ZNF423: variants seen among roughly 807,000 people sequenced by gnomAD.
The protein encoded by ZNF423 is zinc finger protein 423.
In ZNF423, 12 loss-of-function variants were observed where a neutral mutation model predicts 95.8. The ratio of observed to expected loss-of-function variants is 0.13; its 90% confidence interval spans 0.08 to 0.20. The LOEUF is 0.20. ZNF423 is among the 10% of genes least tolerant of loss of function. ZNF423 has a pLI of 1.00. For missense variants in ZNF423, 1,316 were observed against 1,737.1 expected (o/e 0.76, Z 4.31); for synonymous variants, 749 against 711.9 (o/e 1.05, Z -0.83).
chr16:49,696,216 T>A (rs2031964672), intron 3 of ZNF423, among the ~76,000 whole-genome samples: 1 of 152,214 alleles, frequency 6.6e-6, no homozygotes, highest in Non-Finnish European at 1.5e-5. Context: ...TCTTCACGCC[T>A]GCTCCCCAGC....
At chr16:49,694,605 C>A (rs1001350095) in intron 3 of ZNF423, among the ~76,000 whole-genome samples, 2 of 152,170 alleles carry the variant, frequency 1.3e-5, no homozygotes, top group African/African-American at 4.8e-5. Context: ...TCTTAATACC[C>A]CCAGACTTCT....
chr16:49,698,894 T>C (rs541966922), intron 3 of ZNF423, among the ~76,000 whole-genome samples: 40 of 152,330 alleles, frequency 2.6e-4, no homozygotes, highest in African/African-American at 9.1e-4. Context: ...TACAGCAATT[T>C]AGCAGGCCTC....
chr16:49,500,736 A>G (rs2151659263), intron 7 of ZNF423, among the ~76,000 whole-genome samples: 1 of 150,002 alleles, frequency 6.7e-6, no homozygotes, highest in East Asian at 2.0e-4. Context: ...GTGAAACCCC[A>G]TCTCTACGAA....
At chr16:49,671,719 T>C (rs1006209605) in intron 3 of ZNF423, among the ~76,000 whole-genome samples, 4 of 152,188 alleles carry the variant, frequency 2.6e-5, no homozygotes, top group Non-Finnish European at 5.9e-5. Context: ...AGTCTCACTC[T>C]GTCGCCCAGG....
At chr16:49,632,562 G>A (rs1157240388) in intron 4 of ZNF423, among the ~76,000 whole-genome samples, 1 of 152,138 alleles carries the variant, frequency 6.6e-6, no homozygotes, top group Non-Finnish European at 1.5e-5. Flanking sequence ...CAAAGGCAGG[G>A]AGAGGAAGGC....
intron 3 of ZNF423, among the ~76,000 whole-genome samples, chr16:49,694,883 T>C (rs2031910263): frequency 6.6e-6 from 1 of 152,206 alleles, no homozygotes; most frequent in African/African-American, 2.4e-5. Flanking sequence ...TGTGAAGAAA[T>C]GTCTCTCTGC....
In ZNF423 at chr16:49,514,263, T is replaced by C. The variant is rs74019116; in HGVS notation, c.3849+9361A>G. ...ACGCACACGCACACACACACACACA[T>C]GCACATACACACACCACTCTCCATC... On this transcript the variant is annotated intron_variant, in intron 7 of 7. Transcript: ENST00000563137. Among the ~76,000 whole-genome samples, 211 of 96,114 alleles carry C rather than the reference T, an allele frequency of 2.2e-3. 1 individual carries two copies. Among genetic ancestry groups the C allele is most frequent in the African/African-American group, 9.2e-3 (197 of 21,520 alleles). The allele number at this position is 96,114 out of a possible 152,430, so 63.1% of individuals were successfully genotyped here. A position where few individuals can be genotyped will look rare whatever the true frequency, so the allele number is the denominator to read the frequency against.
chr16:49,681,682 C>A (rs1352565895), intron 3 of ZNF423, among the ~76,000 whole-genome samples: 1 of 152,240 alleles, frequency 6.6e-6, no homozygotes, highest in Admixed American at 6.5e-5. Flanking sequence ...CCCACAGCCT[C>A]GGCCACTCCC....
At chr16:49,767,335 G>A (rs547165826) in intron 2 of ZNF423, among the ~76,000 whole-genome samples, 347 of 152,240 alleles carry the variant, frequency 2.3e-3, no homozygotes, top group Middle Eastern at 0.014. Context: ...TGGAGACCAG[G>A]GAAGGCCGGG....
At chr16:49,786,519 G>C (rs530064973) in intron 2 of ZNF423, among the ~76,000 whole-genome samples, 3 of 152,340 alleles carry the variant, frequency 2.0e-5, no homozygotes, top group Admixed American at 1.3e-4. Context: ...ACTGCCCTCA[G>C]CCCAGGGACA....
At chr16:49,714,980 C>T (rs1025520224) in intron 3 of ZNF423, among the ~76,000 whole-genome samples, 4 of 151,992 alleles carry the variant, frequency 2.6e-5, no homozygotes, top group East Asian at 3.9e-4. Flanking sequence ...CCCGAGGAGA[C>T]GGCCCAGCTG....
intron 1 of ZNF423, among the ~76,000 whole-genome samples, chr16:49,829,383 G>A (rs556060538): frequency 3.3e-5 from 5 of 152,304 alleles, no homozygotes; most frequent in African/African-American, 4.8e-5. Flanking sequence ...CTTTGAGCCC[G>A]AGAGTTGGAG....
At chr16:49,845,135 TTTTG>T (rs1041482688) in intron 1 of ZNF423, among the ~76,000 whole-genome samples, 82 of 151,530 alleles carry the variant, frequency 5.4e-4, no homozygotes, top group African/African-American at 1.6e-3. Context: ...TTTTGGGGTT[TTTTG>T]TTTGTTTGTT....
In ZNF423 at chr16:49,637,043, C is replaced by G; in HGVS notation, c.2133G>C (p.Ser711=). The G allele has an allele frequency of 6.2e-7, 1 of 1,613,930 alleles. No individual in the cohort carries two copies. The highest frequency in any genetic ancestry group is 1.1e-5 in the South Asian group (1 of 91,076). ...GCAGGTGCTTCTGCAGGTCATCCAC[C>G]GAGGAAAATTGCTTGTCGCAGCTCT... ...VCESCDKQFS[S]VDDLQKHLLD... is the part of the protein sequence containing the mutation. Residue 711 remains serine, a synonymous_variant, in exon 4 of 8, where the codon TCG becomes TCC. Coordinates refer to ENST00000563137, the MANE Select transcript of ZNF423 (RefSeq NM_001379286.1). The surrounding 1 kb of genome is among the most constrained non-coding windows in gnomAD (Gnocchi z 5.6).
intron 3 of ZNF423, among the ~76,000 whole-genome samples, chr16:49,642,265 G>A (rs1972998819): frequency 6.6e-6 from 1 of 152,178 alleles, no homozygotes; most frequent in Admixed American, 6.5e-5. Flanking sequence ...CTGGCCCCCA[G>A]TACCAAGCCA....
intron 7 of ZNF423, among the ~76,000 whole-genome samples, chr16:49,509,883 G>A (rs1967810549): frequency 2.6e-5 from 4 of 152,182 alleles, no homozygotes; most frequent in Admixed American, 2.6e-4. Flanking sequence ...CTGTGAAACG[G>A]GGATAACAGC....
At chr16:49,606,482 C>T (rs1186722511) in intron 5 of ZNF423, among the ~76,000 whole-genome samples, 4 of 152,154 alleles carry the variant, frequency 2.6e-5, no homozygotes, top group Admixed American at 2.6e-4. Context: ...ACCAGGGTCC[C>T]CACCAACCTG....
intron 5 of ZNF423, among the ~76,000 whole-genome samples, chr16:49,593,209 G>T (rs1483318232): frequency 1.3e-5 from 2 of 152,236 alleles, no homozygotes; most frequent in African/African-American, 2.4e-5. Flanking sequence ...GCTTTGGGAG[G>T]ATCACAAGAA....
Position 49,488,426 on chromosome 16 carries a change from C to T in ZNF423, c.*2849G>A, listed in dbSNP as rs531194503. 2.6e-5 allele frequency: 4 copies of T among 152,296 alleles called. No individual in the cohort carries two copies. The highest frequency in any genetic ancestry group is 3.9e-4 in the East Asian group (2 of 5,160). The allele number at this position is 152,296 out of a possible 1,614,324, so 9.4% of individuals were successfully genotyped here. A position where few individuals can be genotyped will look rare whatever the true frequency, so the allele number is the denominator to read the frequency against. ...GGCAAAATTCCTCTGCCCAGAGAGC[C>T]GCTAGAAACTGACAATTTGTACATC... On this transcript the variant is annotated 3_prime_UTR_variant, in exon 8 of 8. Transcript: ENST00000563137.
Sources: allele counts gnomAD v4.1 joint callset (sites outside exome capture counted in the v4.1 genomes callset), GRCh38; gene constraint gnomAD v4.1.1; non-coding constraint Gnocchi (gnomAD v3.1); transcripts MANE v1.5; gene names NCBI Gene and HGNC (gene_info 2026-07-23, HGNC 2026-07-21).